GPR89A: variants seen among roughly 807,000 people sequenced by gnomAD.
GPR89A encodes the protein G protein-coupled receptor 89A.
A neutral mutation model predicts 52.0 loss-of-function variants in GPR89A; 16 were observed. The ratio of observed to expected loss-of-function variants is 0.31; its 90% CI spans 0.21 to 0.47. The LOEUF is 0.47. GPR89A is among the 20% of genes least tolerant of loss of function. The pLI is 1.00. For synonymous variants in GPR89A, 55 were observed against 150.9 expected, an observed-to-expected ratio of 0.36 and a Z score of 4.66; for missense variants, 135 against 449.4, an observed-to-expected ratio of 0.30 and a Z score of 6.33.
intron 3 of GPR89A, among the ~76,000 whole-genome samples, chr1:145,621,713 A>G (rs1649150990): frequency 6.6e-6 from 1 of 152,062 alleles, no homozygotes; most frequent in Non-Finnish European, 1.5e-5. Flanking sequence ...TAGAATATAT[A>G]AAGAATTCTT....
intron 8 of GPR89A, chr1:145,645,563 C>T: frequency 2.2e-6 from 1 of 453,892 alleles, no homozygotes; most frequent in Non-Finnish European, 4.4e-6. Context: ...ATGGAAAGAG[C>T]AGGCTTTGGA....
intron 7 of GPR89A, among the ~76,000 whole-genome samples, chr1:145,635,564 T>C (rs1367991403): frequency 1.3e-5 from 2 of 152,242 alleles, no homozygotes; most frequent in Admixed American, 1.3e-4. Flanking sequence ...TAAATGCAGA[T>C]TTTAAAAAGT....
chr1:145,668,927 A>T (rs1488042484), intron 12 of GPR89A, among the ~76,000 whole-genome samples: 1 of 152,148 alleles, frequency 6.6e-6, no homozygotes, highest in African/African-American at 2.4e-5. Context: ...AGCCCATTTG[A>T]TCATGGCAGA....
rs587594242 is a variant in GPR89A, at chr1:145,662,782, G to A, written c.910-547G>A. Among the ~76,000 whole-genome samples the A allele has an allele frequency of 6.6e-5, 10 of 152,060 alleles. No individual in the cohort carries two copies. In the South Asian group the frequency reaches 1.2e-3, roughly 19 times the overall value. ...ATGTGGTTGTTTCTTTTTTTTTAAC[G>A]TGGTTGGATTTTAAACTACTGTGTT... On this transcript the variant is annotated intron_variant, in intron 10 of 13. Coordinates refer to ENST00000313835, the MANE Select transcript of GPR89A (RefSeq NM_001097612.2).
At chr1:145,632,981 A>G (rs1380842820) in intron 7 of GPR89A, among the ~76,000 whole-genome samples, 2 of 151,298 alleles carry the variant, frequency 1.3e-5, no homozygotes, top group African/African-American at 4.9e-5. Context: ...CTTAGTTTGC[A>G]ATTCCTTAAT....
chr1:145,617,597 T>C (rs71510529), intron 2 of GPR89A, among the ~76,000 whole-genome samples: 1 of 152,050 alleles, frequency 6.6e-6, no homozygotes, highest in African/African-American at 2.4e-5. Context: ...TAAAGACAGG[T>C]GTAAGAAATT....
intron 10 of GPR89A, among the ~76,000 whole-genome samples, chr1:145,662,303 C>G (rs1216471463): frequency 6.6e-6 from 1 of 151,944 alleles, no homozygotes; most frequent in Non-Finnish European, 1.5e-5. Context: ...TCATTGTGTA[C>G]CCCTTGTTGA....
chr1:145,648,337 A>G (rs1651189417), intron 10 of GPR89A, among the ~76,000 whole-genome samples: 1 of 151,700 alleles, frequency 6.6e-6, no homozygotes, highest in African/African-American at 2.4e-5. Flanking sequence ...TAAAGGATCT[A>G]GTGTTACAAT....
chr1:145,658,294 G>GT (rs1457392976), intron 10 of GPR89A, among the ~76,000 whole-genome samples: 1 of 149,568 alleles, frequency 6.7e-6, no homozygotes, highest in Admixed American at 6.7e-5. Context: ...GTACATCCAT[G>GT]TCATAGTATC....
At chr1:145,613,480 T>A (rs1442295682) in intron 1 of GPR89A, among the ~76,000 whole-genome samples, 1 of 152,168 alleles carries the variant, frequency 6.6e-6, no homozygotes, top group Non-Finnish European at 1.5e-5. Context: ...CCGCTCTATA[T>A]AATATAAAAC....
Position 145,631,698 on chromosome 1 carries a change from CG to C in GPR89A, c.573del (p.Arg192AspfsTer8), listed in dbSNP as rs1649883579. 1 of 18,130 alleles carries C rather than the reference CG, an allele frequency of 5.5e-5. No homozygotes were observed. Among genetic ancestry groups the C allele is most frequent in the Non-Finnish European group, 9.1e-5 (1 of 10,984 alleles). 1.1% of individuals were successfully genotyped at this position (18,130 alleles called of 1,614,324 possible). ...TGACACGGATATTCTAGCCCTGGAA[CG>C]GCGACTGCTGCAAACCATGGATATG... Reference protein sequence around the residue: ...VTDTDILALERRLLQTMDMII... With the variant: ...VTDTDILALEXRLLQTMDMII... On this transcript the variant is annotated frameshift_variant, in exon 7 of 14. Coordinates refer to ENST00000313835, the MANE Select transcript of GPR89A (RefSeq NM_001097612.2). LOFTEE classifies it high-confidence loss of function.
chr1:145,610,691 G>A (rs1420381974), intron 1 of GPR89A, among the ~76,000 whole-genome samples: 1 of 152,154 alleles, frequency 6.6e-6, no homozygotes, highest in Admixed American at 6.5e-5. Flanking sequence ...CTCCTTGAGA[G>A]TAGCATTCAT....
intron 1 of GPR89A, among the ~76,000 whole-genome samples, chr1:145,610,138 A>T (rs587763464): frequency 6.6e-6 from 1 of 151,952 alleles, no homozygotes; most frequent in African/African-American, 2.4e-5. Flanking sequence ...AGTTGTAGTG[A>T]ATATTTGTTT....
intron 8 of GPR89A, chr1:145,645,955 C>G: frequency 1.6e-6 from 1 of 617,258 alleles, no homozygotes; most frequent in Admixed American, 2.9e-5. Flanking sequence ...TTAAGAGAAA[C>G]TGAGTGGTAA....
At chr1:145,639,756 A>AG (rs1372882273) in intron 7 of GPR89A, among the ~76,000 whole-genome samples, 30 of 149,814 alleles carry the variant, frequency 2.0e-4, no homozygotes, top group African/African-American at 4.9e-4. Context: ...CAAAAAAAAA[A>AG]AAAAGAAAAG....
intron 7 of GPR89A, among the ~76,000 whole-genome samples, chr1:145,639,820 G>A (rs1650512527): frequency 1.3e-5 from 2 of 150,380 alleles, no homozygotes; most frequent in South Asian, 4.2e-4. Context: ...AGATGCAAAA[G>A]CAGTTCAGTG....
At position 145,612,750 on chromosome 1, in the gene GPR89A, T is replaced by C. The variant is rs587681294; in HGVS notation, c.43-3484T>C. The stretch of plus-strand genomic sequence containing the variant: ...AGTATTCCACCATCCTTCTCATCTT[T>C]TTCTCCTTACTTGACTGCTTTCTTT... On this transcript the variant is annotated intron_variant, in intron 1 of 13. Transcript: ENST00000313835. Among the ~76,000 whole-genome samples, 27 of 152,316 alleles carry C rather than the reference T, an allele frequency of 1.8e-4. No homozygotes were observed. In the East Asian group the frequency reaches 4.6e-3, roughly 26 times the overall value.
chr1:145,628,630 T>A (rs1253975924), intron 5 of GPR89A, among the ~76,000 whole-genome samples: 2 of 151,988 alleles, frequency 1.3e-5, no homozygotes, highest in African/African-American at 2.4e-5. Flanking sequence ...CATAGGATTG[T>A]TATGAGGGTT....
chr1:145,655,625 G>T lies in GPR89A; in HGVS notation c.910-7704G>T, dbSNP rs1433731537. Among the ~76,000 whole-genome samples the T allele has an allele frequency of 2.6e-5, 4 of 152,176 alleles. No individual in the cohort carries two copies. The South Asian group carries it at 6.2e-4, about 24-fold the overall frequency. On this transcript the variant is annotated intron_variant, in intron 10 of 13. Transcript: ENST00000313835. ...GCCTGGGTCCCTCTCGCACCTGGAG[G>T]TATTACCAGTGGAGGCTGCAGAACA...
Sources: gnomAD v4.1 joint callset for allele counts (sites outside exome capture counted in the v4.1 genomes callset) on GRCh38, gnomAD v4.1.1 for gene constraint, MANE v1.5 for transcripts, NCBI Gene and HGNC (gene_info 2026-07-23, HGNC 2026-07-21) for gene names.